Variants in PREX2 observed in about 807,000 individuals in gnomAD.
PREX2 encodes the protein phosphatidylinositol-3,4,5-trisphosphate dependent Rac exchange factor 2.
A neutral mutation model predicts 203.2 loss-of-function variants in PREX2; 107 were observed. That is an observed-to-expected ratio of 0.53 (90% CI 0.45 to 0.62). The LOEUF is 0.62. Ranked by LOEUF, PREX2 falls within the 20% of genes least tolerant of loss-of-function variation. PREX2 has a pLI of 0.00. For synonymous variants in PREX2, 672 were observed against 663.6 expected (o/e 1.01, Z -0.19); for missense variants, 1,777 against 1,955.9 (o/e 0.91, Z 1.72).
At chr8:67,976,495 G>A (rs1168704589) in intron 1 of PREX2, among the ~76,000 whole-genome samples, 1 of 131,298 alleles carries the variant, frequency 7.6e-6, no homozygotes, top group Non-Finnish European at 1.6e-5. Context: ...AGGGGAGAGA[G>A]ACAGAGAGAG....
At chr8:68,026,626 G>T (rs138926863) in intron 4 of PREX2, among the ~76,000 whole-genome samples, 3,184 of 151,728 alleles carry the variant, frequency 0.021, 125 homozygotes, top group Non-Finnish European at 0.02. Flanking sequence ...CATTCATCTT[G>T]CCTCTGTGGA....
intron 33 of PREX2, among the ~76,000 whole-genome samples, chr8:68,138,838 TTA>T (rs1047392033): frequency 2.0e-5 from 3 of 152,160 alleles, no homozygotes. Flanking sequence ...GTTATTATTT[TTA>T]TATGTCTCTT....
intron 37 of PREX2, among the ~76,000 whole-genome samples, chr8:68,201,918 T>C (rs1812510403): frequency 6.8e-6 from 1 of 146,332 alleles, no homozygotes; most frequent in Non-Finnish European, 1.5e-5. Context: ...TTTTTTTTTT[T>C]TTTTTTGAGA....
intron 18 of PREX2, among the ~76,000 whole-genome samples, 171 bp from the exon 19 acceptor site, chr8:68,087,553 A>G (rs181681929): frequency 6.6e-6 from 1 of 152,316 alleles, no homozygotes; most frequent in Non-Finnish European, 1.5e-5. Flanking sequence ...GAAACACTGT[A>G]TTGCATGAGG....
chr8:68,111,718 A>T (rs1320351825), intron 25 of PREX2, among the ~76,000 whole-genome samples: 1 of 152,206 alleles, frequency 6.6e-6, no homozygotes, highest in Admixed American at 6.5e-5. Flanking sequence ...CACACAACTT[A>T]ATGTGCAATA....
At chr8:67,955,974 G>T (rs1222858838) in intron 1 of PREX2, among the ~76,000 whole-genome samples, 1 of 152,132 alleles carries the variant, frequency 6.6e-6, no homozygotes, top group African/African-American at 2.4e-5. Context: ...AGGTATTGAG[G>T]TATTAAAGAC....
At chr8:68,052,880 C>G (rs1808562834) in intron 8 of PREX2, among the ~76,000 whole-genome samples, 1 of 152,134 alleles carries the variant, frequency 6.6e-6, no homozygotes, top group African/African-American at 2.4e-5. Flanking sequence ...TATTAACACT[C>G]TGAGCTAGAA....
intron 34 of PREX2, among the ~76,000 whole-genome samples, chr8:68,149,196 C>T (rs530772796): frequency 6.6e-6 from 1 of 152,288 alleles, no homozygotes; most frequent in Admixed American, 6.5e-5. Context: ...ACCCCTTTCT[C>T]ATTTTCCTTG....
intron 1 of PREX2, among the ~76,000 whole-genome samples, chr8:67,989,103 A>G (rs1042013366): frequency 1.3e-5 from 2 of 152,104 alleles, no homozygotes; most frequent in Non-Finnish European, 2.9e-5. Context: ...CCCCCAGTTT[A>G]GGAGAAGGAG....
intron 1 of PREX2, 148 bp downstream of exon 1, chr8:67,952,683 C>T: frequency 8.9e-7 from 1 of 1,128,158 alleles, no homozygotes; most frequent in Non-Finnish European, 1.3e-6. Context: ...CGTGTGGACT[C>T]TGCGTTCGCG....
intron 9 of PREX2, among the ~76,000 whole-genome samples, chr8:68,054,997 C>T (rs965349707): frequency 4.6e-5 from 7 of 152,198 alleles, no homozygotes; most frequent in African/African-American, 1.7e-4. Flanking sequence ...TCCTCTTTGC[C>T]CTATGGCCCT....
At chr8:68,155,161 C>G (rs372850425) in intron 34 of PREX2, among the ~76,000 whole-genome samples, 10 of 152,140 alleles carry the variant, frequency 6.6e-5, no homozygotes, top group African/African-American at 2.2e-4. Context: ...AAAGCCTCAT[C>G]CAATATCTGC....
At chr8:68,007,852 G>A (rs569663239) in intron 1 of PREX2, among the ~76,000 whole-genome samples, 38 of 152,202 alleles carry the variant, frequency 2.5e-4, no homozygotes, top group Middle Eastern at 3.4e-3. Context: ...CTCATGATCC[G>A]CCCACCTCGG....
At chr8:68,207,265 T>C (rs1314634979) in intron 37 of PREX2, among the ~76,000 whole-genome samples, 1 of 152,178 alleles carries the variant, frequency 6.6e-6, no homozygotes, top group African/African-American at 2.4e-5. Context: ...AAGAATCATA[T>C]CCCATTTAGA....
intron 35 of PREX2, among the ~76,000 whole-genome samples, chr8:68,182,389 G>C (rs187135026): frequency 3.7e-4 from 56 of 152,168 alleles, no homozygotes; most frequent in Non-Finnish European, 6.6e-4. Flanking sequence ...CTGAAGGAGA[G>C]ATTGGTAAGC....
At chr8:68,104,332 C>T (rs1166519467) in intron 23 of PREX2, among the ~76,000 whole-genome samples, 1 of 152,084 alleles carries the variant, frequency 6.6e-6, no homozygotes, top group Non-Finnish European at 1.5e-5. Context: ...GGATCTGTGC[C>T]CTCCCTGCCT....
At chr8:67,996,306 C>T (rs1427447135) in intron 1 of PREX2, among the ~76,000 whole-genome samples, 5 of 152,060 alleles carry the variant, frequency 3.3e-5, no homozygotes, top group Admixed American at 3.3e-4. Context: ...AATGATCTTC[C>T]TTCCTTTGCC....
rs146385635 is a variant in PREX2 at position 68,197,194 on chromosome 8, C to T, written c.4604+4669C>T. 7.2e-5 allele frequency among the ~76,000 whole-genome samples: 11 copies of T among 151,826 alleles called. No homozygotes were observed. In the East Asian group the frequency reaches 9.8e-4, roughly 14 times the overall value. ...TCTCATGACTAAATCACCTCTGATA[C>T]GGTTTGGCTCTGAGTCCCCACCCAA... On this transcript the variant is annotated intron_variant, in intron 37 of 39. Transcript: ENST00000288368.
At chr8:68,046,896 G>A (rs1808368018) in intron 8 of PREX2, among the ~76,000 whole-genome samples, 1 of 151,810 alleles carries the variant, frequency 6.6e-6, no homozygotes, top group African/African-American at 2.4e-5. Flanking sequence ...AGGTTCCTGG[G>A]GAATTGAATA....
Sources: allele counts gnomAD v4.1 joint callset (sites outside exome capture counted in the v4.1 genomes callset), GRCh38; gene constraint gnomAD v4.1.1; transcripts MANE v1.5; gene names NCBI Gene and HGNC (gene_info 2026-07-23, HGNC 2026-07-21).